SLC17A8: variants seen among roughly 807,000 people sequenced by gnomAD.
SLC17A8 encodes the protein solute carrier family 17 member 8, also known as vesicular glutamate transporter 3.
In SLC17A8, 31 loss-of-function variants were observed where a neutral mutation model predicts 58.0. That is an observed-to-expected ratio of 0.53 (90% CI 0.40 to 0.72). The LOEUF is 0.72. Among genes scored for constraint, SLC17A8 ranks in the 30% least tolerant of loss-of-function variants. SLC17A8 has a pLI of 0.00. For missense variants in SLC17A8, 655 were observed against 727.8 expected (o/e 0.90, Z 1.15); for synonymous variants, 228 against 249.0 (o/e 0.92, Z 0.79).
intron 5 of SLC17A8, 69 bp downstream of exon 5, chr12:100,396,486 G>T: frequency 4.0e-6 from 5 of 1,257,576 alleles, no homozygotes; most frequent in South Asian, 2.5e-5. Flanking sequence ...AGTGGCTCAC[G>T]CCTGTAATCT....
chr12:100,420,388 C>A lies in SLC17A8; in HGVS notation c.*229C>A. 3.9e-6 allele frequency: 2 copies of A among 507,484 alleles called. No homozygotes were observed. The highest frequency in any genetic ancestry group is 2.6e-5 in the South Asian group (1 of 38,378). 31.4% of individuals were successfully genotyped at this position (507,484 alleles called of 1,614,324 possible). A position where few individuals can be genotyped will look rare whatever the true frequency, so the allele number is the denominator to read the frequency against. On this transcript the variant is annotated 3_prime_UTR_variant, in exon 12 of 12. Transcript: ENST00000323346. Reference sequence around the variant, plus strand: ...ACATATTTTTTGAATTGACAGTTGACCCTTCTCTCAAAGAGCTAAACTTAT... The same window carrying A: ...ACATATTTTTTGAATTGACAGTTGAACCTTCTCTCAAAGAGCTAAACTTAT...
chr12:100,389,449 AT>A (rs1202891135), intron 2 of SLC17A8, among the ~76,000 whole-genome samples: 1 of 152,202 alleles, frequency 6.6e-6, no homozygotes, highest in African/African-American at 2.4e-5. Flanking sequence ...CAAAACTGGC[AT>A]CTGAATAATG....
chr12:100,369,267 C>T (rs752895823), intron 1 of SLC17A8, among the ~76,000 whole-genome samples: 10 of 152,142 alleles, frequency 6.6e-5, no homozygotes, highest in Non-Finnish European at 1.5e-4. Context: ...CAGAGCAAGA[C>T]TCCATCTCAA....
intron 1 of SLC17A8, among the ~76,000 whole-genome samples, chr12:100,362,781 C>G (rs1199410162): frequency 2.0e-5 from 3 of 152,124 alleles, no homozygotes; most frequent in African/African-American, 7.2e-5. Context: ...AGACTCCAGG[C>G]CCCACTGTGA....
intron 3 of SLC17A8, among the ~76,000 whole-genome samples, chr12:100,393,115 C>T (rs1370838484): frequency 1.3e-5 from 2 of 152,150 alleles, no homozygotes; most frequent in African/African-American, 2.4e-5. Context: ...AGGTGCCAGC[C>T]GCCATGCCTG....
chr12:100,411,331 T>G lies in SLC17A8; in HGVS notation c.1187-1439T>G, dbSNP rs139000248. 5.0e-3 allele frequency among the ~76,000 whole-genome samples: 763 copies of G among 152,070 alleles called. 4 individuals are homozygous for G. The highest frequency in any genetic ancestry group is 0.018 in the African/African-American group (732 of 41,474). On this transcript the variant is annotated intron_variant, in intron 9 of 11. Coordinates refer to ENST00000323346, the MANE Select transcript of SLC17A8 (RefSeq NM_139319.3). ...CCCCAACTCTACTAAAAATACAAAA[T>G]TAGCTGGGCGTGGTAGCACATGCCC...
At chr12:100,383,120 A>G (rs1335901761) in intron 2 of SLC17A8, among the ~76,000 whole-genome samples, 1 of 152,204 alleles carries the variant, frequency 6.6e-6, no homozygotes, top group Non-Finnish European at 1.5e-5. Flanking sequence ...GCCTTTTGTG[A>G]GCAAGACCAG....
chr12:100,370,101 TA>T (rs1320027083), intron 1 of SLC17A8, among the ~76,000 whole-genome samples: 4 of 151,956 alleles, frequency 2.6e-5, no homozygotes, highest in African/African-American at 4.8e-5. Flanking sequence ...GATATTTATT[TA>T]TTTTTTTATT....
chr12:100,375,369 G>A (rs1041072299), intron 1 of SLC17A8, among the ~76,000 whole-genome samples: 1 of 152,042 alleles, frequency 6.6e-6, no homozygotes, highest in African/African-American at 2.4e-5. Context: ...TAGGAGAGAG[G>A]GAAGGAAGAA....
intron 1 of SLC17A8, among the ~76,000 whole-genome samples, chr12:100,379,435 C>CAAAA (rs150305704): frequency 3.7e-4 from 51 of 136,460 alleles, no homozygotes; most frequent in African/African-American, 6.0e-4. Flanking sequence ...ATTCCGTCCC[C>CAAAA]AAAAAAAAAA....
chr12:100,368,430 G>A (rs1030373066), intron 1 of SLC17A8, among the ~76,000 whole-genome samples: 1 of 152,138 alleles, frequency 6.6e-6, no homozygotes, highest in African/African-American at 2.4e-5. Context: ...ATGTTAACTT[G>A]ATTACATCTG....
In SLC17A8 at chr12:100,421,347, G is replaced by T. The variant is rs141778208; in HGVS notation, c.*1188G>T. 12 of 152,060 alleles carry T rather than the reference G, an allele frequency of 7.9e-5. No individual in the cohort carries two copies. The highest frequency in any genetic ancestry group is 2.4e-4 in the African/African-American group (10 of 41,426). The allele number at this position is 152,060 out of a possible 1,614,324, so 9.4% of individuals were successfully genotyped here. On this transcript the variant is annotated 3_prime_UTR_variant, in exon 12 of 12. Coordinates refer to ENST00000323346, the MANE Select transcript of SLC17A8 (RefSeq NM_139319.3). ...ATTTTGTATCAAAAGTATTCATGAT[G>T]ACTCTATTTGGAATGATATTCAGGG...
intron 4 of SLC17A8, 65 bp downstream of exon 4, chr12:100,393,548 A>G (rs560240778): frequency 1.5e-5 from 18 of 1,211,668 alleles, no homozygotes; most frequent in South Asian, 2.4e-5. Context: ...TAGAAAATTC[A>G]CCTTCTGAAG....
At position 100,420,233 on chromosome 12, in the gene SLC17A8, C is replaced by A; in HGVS notation, c.*74C>A. 2.4e-6 allele frequency: 3 copies of A among 1,243,592 alleles called. No individual in the cohort carries two copies. Among genetic ancestry groups the A allele is most frequent in the South Asian group, 1.3e-5 (1 of 76,944 alleles). The allele number at this position is 1,243,592 out of a possible 1,614,324, so 77.0% of individuals were successfully genotyped here. ...TCCATACCTATTGCCTTTCTTGTAG[C>A]CCAGCTTGCCAGAGGTCCAAATATT... is the stretch of plus-strand genomic sequence containing the variant. On this transcript the variant is annotated 3_prime_UTR_variant, in exon 12 of 12. Transcript: ENST00000323346.
chr12:100,404,977 C>A (rs1214530503), intron 9 of SLC17A8, among the ~76,000 whole-genome samples: 1 of 152,220 alleles, frequency 6.6e-6, no homozygotes, highest in Non-Finnish European at 1.5e-5. Flanking sequence ...GATAGCGCCA[C>A]CTATGGGCAA....
At chr12:100,375,561 C>T (rs1848728379) in intron 1 of SLC17A8, among the ~76,000 whole-genome samples, 1 of 152,184 alleles carries the variant, frequency 6.6e-6, no homozygotes, top group Non-Finnish European at 1.5e-5. Context: ...GAGGCGCTGT[C>T]CCCACGCCAA....
At position 100,421,662 on chromosome 12, in the gene SLC17A8, T is replaced by TG. The variant is rs1349117151; in HGVS notation, c.*1503_*1504insG. 2 of 82,178 alleles carry TG rather than the reference T, an allele frequency of 2.4e-5. No individual in the cohort carries two copies. The highest frequency in any genetic ancestry group is 5.8e-5 in the African/African-American group (2 of 34,688). 5.1% of individuals were successfully genotyped at this position (82,178 alleles called of 1,614,324 possible). A position where few individuals can be genotyped will look rare whatever the true frequency, so the allele number is the denominator to read the frequency against. ...TGTAGCTTATTATTGTAAAGTGTTT[T>TG]TTTTTTTTTTTTTTTTTTCTAATTT... is the stretch of plus-strand genomic sequence containing the variant. On this transcript the variant is annotated 3_prime_UTR_variant, in exon 12 of 12. Transcript: ENST00000323346.
intron 11 of SLC17A8, 125 bp downstream of exon 11, chr12:100,418,281 T>C (rs1446703555): frequency 6.6e-6 from 8 of 1,204,524 alleles, no homozygotes; most frequent in Non-Finnish European, 8.4e-6. Context: ...CTGAGTCAGC[T>C]GAACTTCTTT....
intron 1 of SLC17A8, among the ~76,000 whole-genome samples, chr12:100,371,294 T>C (rs1003153769): frequency 1.3e-5 from 2 of 152,190 alleles, no homozygotes; most frequent in African/African-American, 4.8e-5. Context: ...CAAGGCCACA[T>C]ACCTAATAAA....
Sources: allele counts gnomAD v4.1 joint callset (sites outside exome capture counted in the v4.1 genomes callset), GRCh38; gene constraint gnomAD v4.1.1; transcripts MANE v1.5; gene names NCBI Gene and HGNC (gene_info 2026-07-23, HGNC 2026-07-21).